The following ABTB3 variants were observed in gnomAD, a reference collection of about 807,000 sequenced individuals.
The protein encoded by ABTB3 is ankyrin repeat- and BTB/POZ domain-containing protein 3.
At chr12:107,606,618 A>ACTT in the ABTB3 span, among the ~76,000 whole-genome samples, 1 of 152,210 alleles carries the variant, frequency 6.6e-6, no homozygotes, top group East Asian at 1.9e-4. Context: ...TCAAGCATGA[A>ACTT]GGATATCAGA....
At chr12:107,447,755 C>A in the ABTB3 span, among the ~76,000 whole-genome samples, 18 of 152,140 alleles carry the variant, frequency 1.2e-4, no homozygotes, top group African/African-American at 4.3e-4. Context: ...TGGAGCCCAC[C>A]CTTCCCTGCT....
chr12:107,320,654 G>A, the ABTB3 span: 1 of 456,138 alleles, frequency 2.2e-6, no homozygotes, highest in Non-Finnish European at 4.4e-6. Flanking sequence ...GGTGAGACTG[G>A]GGTGCGGGAA....
the ABTB3 span, among the ~76,000 whole-genome samples, chr12:107,333,128 T>A: frequency 6.6e-6 from 1 of 152,036 alleles, no homozygotes; most frequent in South Asian, 2.1e-4. Context: ...CCTCCCTCAT[T>A]CCTTATGGGA....
chr12:107,499,672 C>T, the ABTB3 span, among the ~76,000 whole-genome samples: 2 of 148,762 alleles, frequency 1.3e-5, no homozygotes, highest in Non-Finnish European at 3.0e-5. Flanking sequence ...AGGGGGACTG[C>T]CAGACACTTT....
At chr12:107,649,339 C>G in the ABTB3 span, 1 of 1,449,222 alleles carries the variant, frequency 6.9e-7, no homozygotes, top group East Asian at 2.3e-5. Flanking sequence ...TCTGTAAACT[C>G]GGGTCACCAG....
the ABTB3 span, among the ~76,000 whole-genome samples, chr12:107,374,014 G>A: frequency 2.0e-5 from 3 of 152,152 alleles, no homozygotes; most frequent in Non-Finnish European, 4.4e-5. Context: ...AGAGGCCTGG[G>A]TGAGCCCTCC....
At chr12:107,593,534 C>T in the ABTB3 span, among the ~76,000 whole-genome samples, 15 of 152,254 alleles carry the variant, frequency 9.9e-5, no homozygotes, top group East Asian at 7.7e-4. Flanking sequence ...TCTCCAGCAC[C>T]GAGCCCACTA....
chr12:107,519,331 C>CTTTTT, the ABTB3 span, among the ~76,000 whole-genome samples: 4 of 140,092 alleles, frequency 2.9e-5, no homozygotes, highest in South Asian at 2.3e-4. Flanking sequence ...TTTTCTTTTT[C>CTTTTT]TTTTTTTTTT....
the ABTB3 span, among the ~76,000 whole-genome samples, chr12:107,550,874 C>CA: frequency 6.6e-6 from 1 of 152,092 alleles, no homozygotes; most frequent in African/African-American, 2.4e-5. Flanking sequence ...TGAGCCACCG[C>CA]ACCCAGCCTC....
the ABTB3 span, among the ~76,000 whole-genome samples, chr12:107,454,155 A>G: frequency 6.6e-6 from 1 of 152,270 alleles, no homozygotes; most frequent in South Asian, 2.1e-4. Context: ...ACATACCCAC[A>G]TCTACCTGAT....
chr12:107,466,581 G>A, the ABTB3 span, among the ~76,000 whole-genome samples: 2 of 151,980 alleles, frequency 1.3e-5, no homozygotes, highest in Admixed American at 1.3e-4. Context: ...GGAGGAAGAG[G>A]AGCCTGCAGG....
At chr12:107,597,828 T>G in the ABTB3 span, among the ~76,000 whole-genome samples, 1 of 152,230 alleles carries the variant, frequency 6.6e-6, no homozygotes, top group Non-Finnish European at 1.5e-5. Flanking sequence ...CTTGTTGCTT[T>G]GCAATTCCTT....
the ABTB3 span, among the ~76,000 whole-genome samples, chr12:107,388,116 G>A: frequency 3.7e-4 from 56 of 151,802 alleles, 1 homozygote; most frequent in African/African-American, 1.3e-3. Context: ...GGGATTATAG[G>A]CTCCCGCCAC....
chr12:107,446,180 C>A, the ABTB3 span, among the ~76,000 whole-genome samples: 1 of 152,038 alleles, frequency 6.6e-6, no homozygotes, highest in African/African-American at 2.4e-5. Flanking sequence ...ATAGTAAACA[C>A]GGCGCTGAGT....
the ABTB3 span, among the ~76,000 whole-genome samples, chr12:107,613,302 C>T: frequency 6.6e-6 from 1 of 152,268 alleles, no homozygotes; most frequent in Non-Finnish European, 1.5e-5. Flanking sequence ...AAGCTGAAGT[C>T]TTCCTCCCGC....
chr12:107,373,995 G>C, the ABTB3 span, among the ~76,000 whole-genome samples: 59 of 152,168 alleles, frequency 3.9e-4, no homozygotes, highest in Non-Finnish European at 7.8e-4. Context: ...GTTAGTGTGT[G>C]TCCTGGGCAG....
At chr12:107,550,825 C>T in the ABTB3 span, among the ~76,000 whole-genome samples, 131 of 152,108 alleles carry the variant, frequency 8.6e-4, 1 homozygote, top group Admixed American at 2.9e-3. Context: ...TCAAGTGATC[C>T]GCCTGTCTCG....
chr12:107,394,087 C>T, the ABTB3 span, among the ~76,000 whole-genome samples: 1 of 152,226 alleles, frequency 6.6e-6, no homozygotes, highest in Admixed American at 6.5e-5. Flanking sequence ...TCAAACCCTT[C>T]TGCAAAGAAT....
the ABTB3 span, among the ~76,000 whole-genome samples, chr12:107,596,570 G>A: frequency 1.1e-4 from 16 of 152,186 alleles, no homozygotes; most frequent in Admixed American, 6.5e-4. Flanking sequence ...AGCTGAGATC[G>A]CACTACCACA....
Sources: gnomAD v4.1 joint callset for allele counts (sites outside exome capture counted in the v4.1 genomes callset) on GRCh38, gnomAD v4.1.1 for gene constraint, MANE v1.5 for transcripts, NCBI Gene and HGNC (gene_info 2026-07-23, HGNC 2026-07-21) for gene names.